Variants in IL17RD observed in about 807,000 individuals in gnomAD.
The protein encoded by IL17RD is interleukin 17 receptor D, also known as interleukin-17 receptor D.
A neutral mutation model predicts 80.5 loss-of-function variants in IL17RD; 52 were observed. That is an observed-to-expected ratio of 0.65 (90% confidence interval 0.52 to 0.81). The LOEUF (loss-of-function observed/expected upper bound fraction) is 0.81. IL17RD is among the 40% of genes least tolerant of loss of function. The pLI is 0.00. For synonymous variants in IL17RD, 416 were observed against 391.8 expected (o/e 1.06, Z -0.73); for missense variants, 1,024 against 955.1 (o/e 1.07, Z -0.95).
intron 1 of IL17RD, among the ~76,000 whole-genome samples, chr3:57,121,014 G>C (rs1707325431): frequency 6.6e-6 from 1 of 152,144 alleles, no homozygotes; most frequent in Admixed American, 6.5e-5. Context: ...GTGAGCCCCG[G>C]AATCCTCCCG....
intron 1 of IL17RD, among the ~76,000 whole-genome samples, chr3:57,154,114 C>T (rs961349082): frequency 4.6e-5 from 7 of 151,562 alleles, no homozygotes; most frequent in Non-Finnish European, 8.8e-5. Context: ...CCAAGCTTGG[C>T]GGCACACGCC....
upstream of IL17RD, among the ~76,000 whole-genome samples, chr3:57,167,471 G>C (rs1184989089): frequency 6.6e-6 from 1 of 152,132 alleles, no homozygotes; most frequent in Non-Finnish European, 1.5e-5. Flanking sequence ...TGAGAGTCAG[G>C]GGTGCCAGGG....
Position 57,127,319 on chromosome 3 carries a change from T to A in IL17RD, c.127-7006A>T, listed in dbSNP as rs187901756. Among the ~76,000 whole-genome samples, 17 of 83,118 alleles carry A rather than the reference T, an allele frequency of 2.0e-4. 2 individuals are homozygous for A. Among genetic ancestry groups the A allele is most frequent in the Admixed American group, 5.4e-4 (3 of 5,580 alleles). The allele number at this position is 83,118 out of a possible 152,430, so 54.5% of individuals were successfully genotyped here. On this transcript the variant is annotated intron_variant, in intron 1 of 12. Coordinates refer to ENST00000296318, the MANE Select transcript of IL17RD (RefSeq NM_017563.5). ...AAATATATATAAAAATATATAAAAATATATATAAATATATATAAAAATATA... is the reference window on the plus strand; with the variant it reads ...AAATATATATAAAAATATATAAAAAAATATATAAATATATATAAAAATATA...
At chr3:57,159,641 G>GC (rs147750430) in intron 1 of IL17RD, among the ~76,000 whole-genome samples, 2,647 of 152,276 alleles carry the variant, frequency 0.017, 75 homozygotes, top group African/African-American at 0.061. Flanking sequence ...AGCACAGACA[G>GC]CCCCCCGGCT....
At chr3:57,158,329 C>A in intron 1 of IL17RD, among the ~76,000 whole-genome samples, 1 of 152,188 alleles carries the variant, frequency 6.6e-6, no homozygotes, top group East Asian at 1.9e-4. Context: ...CCTTTCAAGT[C>A]TTAAGGTACC....
chr3:57,169,749 C>T (rs1205341945), upstream of IL17RD, among the ~76,000 whole-genome samples: 1 of 152,190 alleles, frequency 6.6e-6, no homozygotes, highest in Non-Finnish European at 1.5e-5. Context: ...TGACCCCAGT[C>T]TCCCAGAGGG....
At position 57,098,229 on chromosome 3, in the gene IL17RD, G is replaced by C; in HGVS notation, c.1474C>G (p.Leu492Val). 2 of 1,613,930 alleles carry C rather than the reference G, an allele frequency of 1.2e-6. No homozygotes were observed. The highest frequency in any genetic ancestry group is 1.3e-5 in the African/African-American group (1 of 75,048). Reference protein sequence around the residue: ...YSCEGDVPGILDLSTKYRLMD... With the variant: ...YSCEGDVPGIVDLSTKYRLMD... ...AGTCTGTACTTGGTACTCAGGTCTA[G>C]GATACCGGGGACGTCTCCCTCGCAG... The change falls in exon 12 of 13, where the codon CTA becomes GTA. Residue 492 changes from leucine to valine, a missense_variant. Physicochemically the swap from Leu to Val is conservative, Grantham distance 32. Coordinates refer to ENST00000296318, the MANE Select transcript of IL17RD (RefSeq NM_017563.5).
intron 1 of IL17RD, chr3:57,142,635 T>A (rs1044458494): frequency 2.5e-6 from 1 of 396,340 alleles, no homozygotes; most frequent in African/African-American, 2.2e-5. Flanking sequence ...TTCCAGAACG[T>A]CCTCATTGAC....
chr3:57,098,328 C>T lies in IL17RD; in HGVS notation c.1375G>A (p.Glu459Lys), dbSNP rs1706745699. Reference protein sequence around the residue: ...LFLVAVSAIAEKLRQAKQSSS... With the variant: ...LFLVAVSAIAKKLRQAKQSSS... ...CTCTGCTTGGCCTGGCGGAGCTTTTCGGCAATGGCTGACACCGCCACCAGG... is the reference window on the plus strand; with the variant it reads ...CTCTGCTTGGCCTGGCGGAGCTTTTTGGCAATGGCTGACACCGCCACCAGG... Residue 459 changes from glutamate to lysine, a missense_variant, in exon 12 of 13, where the codon GAA becomes AAA. Coordinates refer to ENST00000296318, the MANE Select transcript of IL17RD (RefSeq NM_017563.5). The T allele has an allele frequency of 6.2e-7, 1 of 1,613,990 alleles. No individual in the cohort carries two copies. Among genetic ancestry groups the T allele is most frequent in the Non-Finnish European group, 8.5e-7 (1 of 1,179,884 alleles).
chr3:57,108,822 CTTTT>C (rs947857092), intron 5 of IL17RD, among the ~76,000 whole-genome samples: 3 of 151,482 alleles, frequency 2.0e-5, no homozygotes, highest in Non-Finnish European at 2.9e-5. Flanking sequence ...GGCCATCTGT[CTTTT>C]TTAACTAGAA....
rs1245085911 is a variant in IL17RD at position 57,105,963 on chromosome 3, A to G, written c.641T>C (p.Met214Thr). Residue 214 changes from methionine (M) to threonine (T), a missense_variant, in exon 7 of 13, where the codon ATG becomes ACG. Met to Thr is a moderately conservative substitution (Grantham distance 81, BLOSUM62 -1). Transcript: ENST00000296318. ...NLNISQHGSD[M>T]QVSFDHAPHN... ...CGGTGCATGGTCGAAGGACACCTGC[A>G]TGTCCGAGCCATGCTGGCTGATGTT... is the stretch of plus-strand genomic sequence containing the variant. The G allele has an allele frequency of 1.2e-6, 2 of 1,613,900 alleles. No homozygotes were observed. The highest frequency in any genetic ancestry group is 1.7e-5 in the Admixed American group (1 of 60,010).
At chr3:57,121,626 T>C (rs1030487941) in intron 1 of IL17RD, among the ~76,000 whole-genome samples, 17 of 152,212 alleles carry the variant, frequency 1.1e-4, no homozygotes, top group Admixed American at 6.5e-4. Context: ...CTTCCCCACA[T>C]ATACAAGATT....
chr3:57,169,631 G>A (rs2060361365), upstream of IL17RD, among the ~76,000 whole-genome samples: 1 of 152,158 alleles, frequency 6.6e-6, no homozygotes, highest in Non-Finnish European at 1.5e-5. Flanking sequence ...AATGAACAGT[G>A]TTAGAAGCAG....
At chr3:57,099,303 C>A (rs1418179296) in intron 11 of IL17RD, among the ~76,000 whole-genome samples, 1 of 152,156 alleles carries the variant, frequency 6.6e-6, no homozygotes, top group Non-Finnish European at 1.5e-5. Context: ...AGCTTTACCC[C>A]CAAAGGCGGT....
intron 1 of IL17RD, among the ~76,000 whole-genome samples, chr3:57,129,233 C>G (rs932642582): frequency 6.6e-6 from 1 of 152,134 alleles, no homozygotes; most frequent in African/African-American, 2.4e-5. Context: ...CACCCAAATA[C>G]CCACCCAGCA....
At chr3:57,111,016 G>C (rs1251166793) in intron 3 of IL17RD, among the ~76,000 whole-genome samples, 1 of 152,140 alleles carries the variant, frequency 6.6e-6, no homozygotes, top group Non-Finnish European at 1.5e-5. Context: ...CTGCACGTCC[G>C]ACTAGATGCT....
chr3:57,122,102 G>A (rs1191158001), intron 1 of IL17RD, among the ~76,000 whole-genome samples: 6 of 152,144 alleles, frequency 3.9e-5, no homozygotes, highest in Non-Finnish European at 5.9e-5. Flanking sequence ...GCAAAACAAG[G>A]TATATATAGC....
At chr3:57,151,091 C>G (rs548516332) in intron 1 of IL17RD, among the ~76,000 whole-genome samples, 29 of 152,330 alleles carry the variant, frequency 1.9e-4, no homozygotes, top group Non-Finnish European at 2.6e-4. Context: ...ACTAAAAATG[C>G]ATTCATTACT....
At chr3:57,153,395 G>C (rs2060242928) in intron 1 of IL17RD, among the ~76,000 whole-genome samples, 1 of 152,106 alleles carries the variant, frequency 6.6e-6, no homozygotes, top group Non-Finnish European at 1.5e-5. Flanking sequence ...CTATTCATGA[G>C]GAAACAATCA....
Sources: allele counts gnomAD v4.1 joint callset (sites outside exome capture counted in the v4.1 genomes callset), GRCh38; gene constraint gnomAD v4.1.1; transcripts MANE v1.5; gene names NCBI Gene and HGNC (gene_info 2026-07-23, HGNC 2026-07-21).